Variants in MS4A6E observed in about 807,000 individuals in gnomAD.
The protein encoded by MS4A6E is membrane-spanning 4-domains subfamily A member 6E.
In MS4A6E, 8 loss-of-function variants were observed where a neutral mutation model predicts 13.2. The observed-to-expected ratio is 0.60, with a 90% CI of 0.35 to 1.09. MS4A6E has a LOEUF of 1.09. Ranked by LOEUF, MS4A6E falls within the 50% of genes least tolerant of loss-of-function variation. The pLI, the probability that MS4A6E is intolerant of heterozygous loss-of-function variation, is 0.02. For missense variants in MS4A6E, 177 were observed against 171.1 expected (o/e 1.03, Z -0.19); for synonymous variants, 72 against 67.6 (o/e 1.06, Z -0.32).
At chr11:60,344,340 G>A (rs1415561077), downstream of MS4A6E, among the ~76,000 whole-genome samples, 1 of 152,196 alleles carries the variant, frequency 6.6e-6, no homozygotes, top group Non-Finnish European at 1.5e-5. Flanking sequence ...TCTTTGGCAT[G>A]TGGGTGAAGT....
intron 4 of MS4A6E, among the ~76,000 whole-genome samples, chr11:60,347,552 A>G (rs2085261672): frequency 6.6e-6 from 1 of 151,412 alleles, no homozygotes; most frequent in Non-Finnish European, 1.5e-5. Flanking sequence ...GCCAAAGACA[A>G]TCTGTTATGC....
chr11:60,333,196 T>G (rs1406285301), intron 1 of MS4A6E, among the ~76,000 whole-genome samples: 1 of 152,220 alleles, frequency 6.6e-6, no homozygotes. Flanking sequence ...TACTAATGTA[T>G]CCAATGCAGA....
downstream of MS4A6E, among the ~76,000 whole-genome samples, chr11:60,345,339 A>G (rs11230284): frequency 0.32 from 48,161 of 152,064 alleles, 8,257 homozygotes; most frequent in African/African-American, 0.46. Flanking sequence ...GAGTGTAAAT[A>G]TTACCTACCT....
At chr11:60,332,799 A>G (rs1296398703) in intron 1 of MS4A6E, among the ~76,000 whole-genome samples, 1 of 152,266 alleles carries the variant, frequency 6.6e-6, no homozygotes. Flanking sequence ...CAAATAATAT[A>G]TGTAAGACAC....
chr11:60,340,272 G>C (rs144471259), intron 4 of MS4A6E, among the ~76,000 whole-genome samples: 5 of 152,308 alleles, frequency 3.3e-5, no homozygotes, highest in African/African-American at 9.6e-5. Flanking sequence ...TATGATATGA[G>C]TCTGTACCTG....
chr11:60,337,753 C>G lies in MS4A6E; in HGVS notation c.160C>G (p.Leu54Val), dbSNP rs1463237471. 5.6e-6 allele frequency: 9 copies of G among 1,614,100 alleles called. No homozygotes were observed. In the African/African-American group the frequency reaches 1.2e-4, roughly 22 times the overall value. The change falls in exon 3 of 5, where the codon CTG becomes GTG. Residue 54 changes from leucine to valine, a missense_variant. Physicochemically the swap from Leu to Val is conservative, Grantham distance 32. Transcript: ENST00000684409. The part of the protein sequence containing the change: ...KVKVIGVHSS[L>V]AGSILSALSA... ...ATGTCTCTTTCAGGTGCATAGCAGC[C>G]TGGCTGGAAGCATTCTGAGTGCTCT... is the stretch of plus-strand genomic sequence containing the variant.
chr11:60,333,986 C>G (rs552923518), intron 1 of MS4A6E, among the ~76,000 whole-genome samples: 3 of 152,298 alleles, frequency 2.0e-5, no homozygotes, highest in African/African-American at 7.2e-5. Context: ...CTCTTTCACC[C>G]TGATACAGTG....
At chr11:60,332,596 C>G (rs1310911835) in intron 1 of MS4A6E, among the ~76,000 whole-genome samples, 1 of 152,196 alleles carries the variant, frequency 6.6e-6, no homozygotes, top group Non-Finnish European at 1.5e-5. Context: ...GATCTTATGT[C>G]AGTTTGACAT....
At chr11:60,344,847 T>C (rs1173561373), downstream of MS4A6E, among the ~76,000 whole-genome samples, 2 of 152,220 alleles carry the variant, frequency 1.3e-5, no homozygotes, top group Non-Finnish European at 2.9e-5. Flanking sequence ...CTGTTATCTT[T>C]CATGGAAGGA....
At chr11:60,348,348 T>C (rs922053301) in intron 4 of MS4A6E, among the ~76,000 whole-genome samples, 1 of 152,146 alleles carries the variant, frequency 6.6e-6, no homozygotes, top group East Asian at 1.9e-4. Flanking sequence ...GCTTGCCAGA[T>C]GAAGGGTAGA....
intron 1 of MS4A6E, among the ~76,000 whole-genome samples, chr11:60,329,149 C>A (rs1361433626): frequency 6.6e-6 from 1 of 151,624 alleles, no homozygotes; most frequent in Non-Finnish European, 1.5e-5. Flanking sequence ...CCCTTGCCCC[C>A]CACCCCCCGA....
intron 1 of MS4A6E, among the ~76,000 whole-genome samples, chr11:60,329,721 T>C (rs1194749561): frequency 1.3e-5 from 2 of 152,352 alleles, no homozygotes; most frequent in East Asian, 3.9e-4. Context: ...GTGGTTTTGA[T>C]TTGCATTTCT....
chr11:60,343,351 A>G (rs777224107), downstream of MS4A6E, among the ~76,000 whole-genome samples: 3 of 151,996 alleles, frequency 2.0e-5, no homozygotes, highest in Non-Finnish European at 2.9e-5. Flanking sequence ...TTTTTTTTGC[A>G]TAAGTGTCCC....
At chr11:60,345,969 T>C (rs1435971943), downstream of MS4A6E, among the ~76,000 whole-genome samples, 1 of 152,288 alleles carries the variant, frequency 6.6e-6, no homozygotes, top group East Asian at 1.9e-4. Flanking sequence ...CTGGCTCTGT[T>C]GTCCAGAAGG....
intron 2 of MS4A6E, chr11:60,335,780 G>C: frequency 3.1e-6 from 1 of 319,942 alleles, no homozygotes; most frequent in Non-Finnish European, 6.1e-6. Context: ...AATGATAATA[G>C]AGCTGTGAAT....
intron 2 of MS4A6E, among the ~76,000 whole-genome samples, chr11:60,336,139 G>T (rs2085187255): frequency 6.6e-6 from 1 of 152,088 alleles, no homozygotes; most frequent in Non-Finnish European, 1.5e-5. Flanking sequence ...GGAACCCTCA[G>T]TTACAATCCA....
chr11:60,331,543 TTTC>T (rs976195331), intron 1 of MS4A6E, among the ~76,000 whole-genome samples: 11 of 152,204 alleles, frequency 7.2e-5, no homozygotes, highest in African/African-American at 2.7e-4. Context: ...ATCTTGGACA[TTTC>T]TTCTTGTTTT....
At chr11:60,335,640 G>A in intron 2 of MS4A6E, 1 of 445,936 alleles carries the variant, frequency 2.2e-6, no homozygotes, top group Non-Finnish European at 4.5e-6. Flanking sequence ...CTGCACTTAT[G>A]TGATCTGAGG....
intron 1 of MS4A6E, among the ~76,000 whole-genome samples, chr11:60,332,101 G>C (rs1296598456): frequency 6.6e-6 from 1 of 152,120 alleles, no homozygotes; most frequent in Non-Finnish European, 1.5e-5. Context: ...TCATTTTAAA[G>C]GTATATTTTT....
Sources: gnomAD v4.1 joint callset for allele counts (sites outside exome capture counted in the v4.1 genomes callset) on GRCh38, gnomAD v4.1.1 for gene constraint, MANE v1.5 for transcripts, NCBI Gene and HGNC (gene_info 2026-07-23, HGNC 2026-07-21) for gene names.